The following DPP6 variants were observed in gnomAD, a reference collection of about 807,000 sequenced individuals.
DPP6 encodes A-type potassium channel modulatory protein DPP6.
Under a neutral mutation model 122.6 loss-of-function variants are expected in DPP6, and 69 were observed. The observed-to-expected ratio is 0.56, with a 90% CI of 0.46 to 0.69. The LOEUF is 0.69. DPP6 is among the 30% of genes least tolerant of loss of function. DPP6 has a pLI of 0.00. For missense variants in DPP6, 928 were observed against 1,116.9 expected (o/e 0.83, Z 2.41); for synonymous variants, 418 against 433.1 (o/e 0.97, Z 0.43).
intron 5 of DPP6, chr7:154,588,135 A>G (rs1832591107): frequency 6.4e-7 from 1 of 1,562,822 alleles, no homozygotes; most frequent in African/African-American, 1.3e-5. Flanking sequence ...ACACTGGTGG[A>G]GAGAGACACG....
intron 1 of DPP6, among the ~76,000 whole-genome samples, chr7:154,199,318 C>T (rs1433288112): frequency 6.6e-6 from 1 of 152,156 alleles, no homozygotes; most frequent in Non-Finnish European, 1.5e-5. Context: ...GGCGCTGCTC[C>T]TAAAATGCAC....
At chr7:154,347,723 C>T (rs1810515039) in intron 1 of DPP6, among the ~76,000 whole-genome samples, 1 of 152,156 alleles carries the variant, frequency 6.6e-6, no homozygotes, top group African/African-American at 2.4e-5. Context: ...ACAATGGTAG[C>T]AGGTGTTTGT....
At chr7:154,517,765 C>T (rs1484572545) in intron 3 of DPP6, among the ~76,000 whole-genome samples, 2 of 151,992 alleles carry the variant, frequency 1.3e-5, no homozygotes, top group African/African-American at 2.4e-5. Context: ...GTGTTGTGTC[C>T]GGAAAGCAAA....
chr7:154,585,058 T>C (rs1261518716), intron 5 of DPP6, among the ~76,000 whole-genome samples: 1 of 152,192 alleles, frequency 6.6e-6, no homozygotes, highest in Non-Finnish European at 1.5e-5. Context: ...CCCCCTGCTC[T>C]GCTTCCTTCA....
chr7:153,981,239 G>C (rs1220699952), intron 1 of DPP6, among the ~76,000 whole-genome samples: 1 of 152,140 alleles, frequency 6.6e-6, no homozygotes, highest in African/African-American at 2.4e-5. Context: ...CCTGTATTGG[G>C]TGCATACATA....
intron 5 of DPP6, among the ~76,000 whole-genome samples, chr7:154,578,282 A>G (rs1173753268): frequency 6.6e-6 from 1 of 152,038 alleles, no homozygotes; most frequent in African/African-American, 2.4e-5. Flanking sequence ...AAGGCAACTC[A>G]TCATTGCCGA....
At chr7:153,988,585 C>A (rs1796963843) in intron 1 of DPP6, among the ~76,000 whole-genome samples, 1 of 152,208 alleles carries the variant, frequency 6.6e-6, no homozygotes, top group Non-Finnish European at 1.5e-5. Context: ...TTCCCAGCCC[C>A]ATGAGTCAAG....
At chr7:154,176,089 A>T (rs1386623172) in intron 1 of DPP6, among the ~76,000 whole-genome samples, 1 of 152,148 alleles carries the variant, frequency 6.6e-6, no homozygotes, top group Non-Finnish European at 1.5e-5. Flanking sequence ...ATGGAATAGG[A>T]GGAAATTAGT....
chr7:154,079,044 G>A (rs1273065768), intron 1 of DPP6, among the ~76,000 whole-genome samples: 1 of 151,634 alleles, frequency 6.6e-6, no homozygotes, highest in South Asian at 2.1e-4. Context: ...GTATCACGCG[G>A]TCAGGAGATG....
At chr7:154,372,898 G>A (rs993906279) in intron 1 of DPP6, among the ~76,000 whole-genome samples, 2 of 152,166 alleles carry the variant, frequency 1.3e-5, no homozygotes, top group Non-Finnish European at 2.9e-5. Context: ...CACCACCCAG[G>A]CTGAGGCCTT....
At chr7:154,327,599 A>G (rs1808560649) in intron 1 of DPP6, among the ~76,000 whole-genome samples, 1 of 152,154 alleles carries the variant, frequency 6.6e-6, no homozygotes, top group Admixed American at 6.5e-5. Flanking sequence ...AAATAATAAA[A>G]TTTTGCTTAG....
intron 1 of DPP6, among the ~76,000 whole-genome samples, chr7:153,889,395 TG>T (rs1799090061): frequency 6.6e-6 from 1 of 152,194 alleles, no homozygotes; most frequent in Admixed American, 6.5e-5. Context: ...CTAACTTACG[TG>T]ATGCCATCAT....
chr7:154,635,757 C>T (rs1835693225), intron 5 of DPP6, among the ~76,000 whole-genome samples: 1 of 152,114 alleles, frequency 6.6e-6, no homozygotes, highest in South Asian at 2.1e-4. Flanking sequence ...AACCCATTTC[C>T]ACATCCACTC....
the DPP6 span, among the ~76,000 whole-genome samples, chr7:153,765,572 C>T: frequency 6.7e-6 from 1 of 150,352 alleles, no homozygotes; most frequent in African/African-American, 2.4e-5. Flanking sequence ...CAGAAAAAAA[C>T]ACCTAGGTAG....
rs564897885 is a variant in DPP6 at position 154,469,509 on chromosome 7, G to T, written c.359-5430G>T. Among the ~76,000 whole-genome samples the T allele has an allele frequency of 2.2e-4, 34 of 152,268 alleles. No individual in the cohort carries two copies. In the East Asian group the frequency reaches 6.0e-3, roughly 27 times the overall value. ...GTTACCATCTCAGCTCTGACCTATG[G>T]ATTCATATGGTGAACAATCTGCCAG... On this transcript the variant is annotated intron_variant, in intron 2 of 25. Coordinates refer to ENST00000377770, the MANE Select transcript of DPP6 (RefSeq NM_130797.4).
At chr7:154,754,221 T>C (rs764435452) in intron 8 of DPP6, among the ~76,000 whole-genome samples, 7 of 152,220 alleles carry the variant, frequency 4.6e-5, no homozygotes, top group Non-Finnish European at 1.0e-4. Flanking sequence ...CAGCGCATCA[T>C]AAAAGGAAAA....
intron 1 of DPP6, among the ~76,000 whole-genome samples, chr7:154,005,399 C>G (rs538036788): frequency 6.6e-6 from 1 of 151,862 alleles, no homozygotes; most frequent in African/African-American, 2.4e-5. Context: ...AGAGAAAGGT[C>G]GAACGCTTGG....
intron 6 of DPP6, among the ~76,000 whole-genome samples, chr7:154,640,918 C>T (rs1045358566): frequency 2.6e-5 from 4 of 152,116 alleles, no homozygotes; most frequent in African/African-American, 7.2e-5. Flanking sequence ...AGCCAGAGGC[C>T]GTGCAATCTT....
At chr7:154,402,027 G>A (rs1291786777) in intron 1 of DPP6, among the ~76,000 whole-genome samples, 1 of 152,152 alleles carries the variant, frequency 6.6e-6, no homozygotes, top group South Asian at 2.1e-4. Flanking sequence ...TCAGAGAAAT[G>A]CAAATCAAAA....
Sources: allele counts gnomAD v4.1 joint callset (sites outside exome capture counted in the v4.1 genomes callset), GRCh38; gene constraint gnomAD v4.1.1; transcripts MANE v1.5; gene names NCBI Gene and HGNC (gene_info 2026-07-23, HGNC 2026-07-21).